MBD5: variants seen among roughly 807,000 people sequenced by gnomAD.
The protein encoded by MBD5 is methyl-CpG binding domain protein 5.
MBD5 carries 13 observed loss-of-function variants against 117.3 expected under a neutral mutation model. That is an observed-to-expected ratio of 0.11 (90% CI 0.07 to 0.18). MBD5 has a LOEUF of 0.18. MBD5 is among the 10% of genes least tolerant of loss of function. The pLI is 1.00. For missense variants in MBD5, 1,879 were observed against 2,093.8 expected, an observed-to-expected ratio of 0.90 and a Z score of 2.00; for synonymous variants, 727 against 766.4, an observed-to-expected ratio of 0.95 and a Z score of 0.85.
intron 4 of MBD5, among the ~76,000 whole-genome samples, chr2:148,356,859 G>T (rs1703393066): frequency 6.6e-6 from 1 of 151,232 alleles, no homozygotes; most frequent in Non-Finnish European, 1.5e-5. Flanking sequence ...TGATCTTCTG[G>T]ATGGTGCTAT....
chr2:148,413,131 T>C (rs976451772), intron 4 of MBD5, among the ~76,000 whole-genome samples: 1 of 151,974 alleles, frequency 6.6e-6, no homozygotes, highest in Non-Finnish European at 1.5e-5. Context: ...AGGTATGGTA[T>C]GTCCCTTCAA....
chr2:148,462,191 C>G (rs1707105820), intron 5 of MBD5, among the ~76,000 whole-genome samples: 1 of 152,068 alleles, frequency 6.6e-6, no homozygotes, highest in East Asian at 1.9e-4. Context: ...TCTGTTTTTC[C>G]TCAAAGAGCT....
intron 3 of MBD5, among the ~76,000 whole-genome samples, chr2:148,319,488 T>C (rs1702233520): frequency 6.6e-6 from 1 of 152,202 alleles, no homozygotes; most frequent in African/African-American, 2.4e-5. Context: ...AATATATTTC[T>C]AGGTTTTTGA....
At chr2:148,462,542 C>G (rs757415693) in intron 5 of MBD5, 40 bp from the exon 6 acceptor site, 1 of 1,299,312 alleles carries the variant, frequency 7.7e-7, no homozygotes, top group Admixed American at 1.7e-5. Flanking sequence ...TATGTGTAGT[C>G]AAAATTATTT....
chr2:148,450,553 C>T (rs1706696622), intron 4 of MBD5, among the ~76,000 whole-genome samples: 1 of 152,172 alleles, frequency 6.6e-6, no homozygotes, highest in Non-Finnish European at 1.5e-5. Flanking sequence ...GACAGCGAGA[C>T]TTCTCTCTTT....
intron 3 of MBD5, among the ~76,000 whole-genome samples, chr2:148,286,653 G>T (rs902837740): frequency 1.3e-5 from 2 of 152,120 alleles, no homozygotes; most frequent in African/African-American, 2.4e-5. Context: ...TTTAAAAAAG[G>T]TATTCATTTA....
intron 2 of MBD5, among the ~76,000 whole-genome samples, chr2:148,215,192 A>G (rs146744135): frequency 1.7e-3 from 264 of 152,258 alleles, no homozygotes; most frequent in African/African-American, 5.9e-3. Context: ...TTTATATTCT[A>G]CATATTCTTT....
At chr2:148,385,788 G>A (rs569038963) in intron 4 of MBD5, among the ~76,000 whole-genome samples, 15 of 130,946 alleles carry the variant, frequency 1.1e-4, no homozygotes, top group African/African-American at 4.2e-4. Context: ...CCATAAAAAA[G>A]GATGAGTTCA....
chr2:148,180,741 TCA>T (rs2105852943), intron 2 of MBD5, among the ~76,000 whole-genome samples: 1 of 152,206 alleles, frequency 6.6e-6, no homozygotes, highest in South Asian at 2.1e-4. Context: ...GCAGAGTTAA[TCA>T]CACTCTTAGG....
intron 3 of MBD5, among the ~76,000 whole-genome samples, chr2:148,313,124 G>A (rs1043149089): frequency 1.3e-5 from 2 of 152,176 alleles, no homozygotes; most frequent in African/African-American, 2.4e-5. Context: ...CAGGAGGCAC[G>A]GGGATCAGGG....
At chr2:148,350,603 T>C (rs1047135014) in intron 4 of MBD5, among the ~76,000 whole-genome samples, 6 of 152,052 alleles carry the variant, frequency 3.9e-5, no homozygotes, top group African/African-American at 7.2e-5. Flanking sequence ...TAGAATGCAA[T>C]GGTCTCTGAA....
At chr2:148,446,465 C>G (rs1706529655) in intron 4 of MBD5, among the ~76,000 whole-genome samples, 1 of 152,000 alleles carries the variant, frequency 6.6e-6, no homozygotes, top group Non-Finnish European at 1.5e-5. Flanking sequence ...GGTGAGAGGA[C>G]CCTGTGGAGT....
intron 4 of MBD5, among the ~76,000 whole-genome samples, chr2:148,453,116 A>G (rs1281483884): frequency 1.3e-5 from 2 of 152,170 alleles, no homozygotes; most frequent in Non-Finnish European, 2.9e-5. Context: ...GGGGAGAGCT[A>G]GTCAATAAAC....
intron 4 of MBD5, among the ~76,000 whole-genome samples, chr2:148,422,113 C>G (rs909396299): frequency 6.6e-6 from 1 of 152,160 alleles, no homozygotes; most frequent in Non-Finnish European, 1.5e-5. Flanking sequence ...CAAGTGGGTC[C>G]CTGACCCCCA....
rs56740583 is a variant in MBD5, at chr2:148,424,177, C to CAAAAAA, written c.-556-33992_-556-33987dup. 2.4e-3 allele frequency among the ~76,000 whole-genome samples: 126 copies of CAAAAAA among 53,426 alleles called. 17 individuals carry two copies. Among genetic ancestry groups the CAAAAAA allele is most frequent in the Non-Finnish European group, 4.2e-3 (98 of 23,284 alleles). 35.0% of individuals were successfully genotyped at this position (53,426 alleles called of 152,430 possible). A position where few individuals can be genotyped will look rare whatever the true frequency, so the allele number is the denominator to read the frequency against. Reference sequence around the variant, plus strand: ...TGGGCAACAGAGCAAGACTCTGTCTCAAAAAAAAAAAAAAAAAAAAAAAAA... The same window carrying CAAAAAA: ...TGGGCAACAGAGCAAGACTCTGTCTCAAAAAAAAAAAAAAAAAAAAAAAAAAAAAAA... On this transcript the variant is annotated intron_variant, in intron 4 of 13. Transcript: ENST00000642680.
intron 1 of MBD5, among the ~76,000 whole-genome samples, chr2:148,163,146 G>C (rs1291166840): frequency 6.6e-6 from 1 of 152,146 alleles, no homozygotes; most frequent in African/African-American, 2.4e-5. Context: ...ATCACAAGTT[G>C]AGAAACTGCC....
intron 3 of MBD5, among the ~76,000 whole-genome samples, chr2:148,253,330 A>G (rs1700509019): frequency 6.6e-6 from 1 of 152,204 alleles, no homozygotes; most frequent in Non-Finnish European, 1.5e-5. Flanking sequence ...AATGTACAAT[A>G]GGAAAACTGC....
At chr2:148,284,532 G>C (rs1701326773) in intron 3 of MBD5, among the ~76,000 whole-genome samples, 1 of 152,150 alleles carries the variant, frequency 6.6e-6, no homozygotes. Context: ...CTTTGGGCAA[G>C]TTACCCCCCT....
At chr2:148,308,181 G>A (rs1444573593) in intron 3 of MBD5, among the ~76,000 whole-genome samples, 1 of 152,028 alleles carries the variant, frequency 6.6e-6, no homozygotes, top group Non-Finnish European at 1.5e-5. Context: ...TGGGTCAAAT[G>A]GTATTTCTAG....
Sources: gnomAD v4.1 joint callset for allele counts (sites outside exome capture counted in the v4.1 genomes callset) on GRCh38, gnomAD v4.1.1 for gene constraint, MANE v1.5 for transcripts, NCBI Gene and HGNC (gene_info 2026-07-23, HGNC 2026-07-21) for gene names.